The following PARP4 variants were observed in gnomAD, a reference collection of about 807,000 sequenced individuals.
PARP4 encodes the protein protein mono-ADP-ribosyltransferase PARP4.
A neutral mutation model predicts 187.7 loss-of-function variants in PARP4; 120 were observed. That is an observed-to-expected ratio of 0.64 (90% CI 0.55 to 0.74). The LOEUF is 0.74. Among genes scored for constraint, PARP4 ranks in the 30% least tolerant of loss-of-function variants. PARP4 has a pLI of 0.00. For missense variants in PARP4, 1,836 were observed against 2,070.5 expected (o/e 0.89, Z 2.20); for synonymous variants, 654 against 740.9 (o/e 0.88, Z 1.90).
In PARP4 at chr13:24,459,309, T is replaced by A. The variant is rs1473204808; in HGVS notation, c.2300A>T (p.Asp767Val). The change falls in exon 19 of 34, where the codon GAT becomes GTT. Residue 767 changes from aspartate (D) to valine (V), a missense_variant and splice_region_variant. Coordinates refer to ENST00000381989, the MANE Select transcript of PARP4 (RefSeq NM_006437.4). ...TTTTATACAAATCTTCTCTACTGTA[T>A]CCTGTTAAAAGAAAAATACATTTGT... ...QDKALNENLQ[D>V]TVEKICIKEI... 3 of 1,553,650 alleles carry A rather than the reference T, an allele frequency of 1.9e-6. No homozygotes were observed. In the African/African-American group the frequency reaches 4.1e-5, roughly 21 times the overall value.
rs1701879113 is a variant in PARP4, at chr13:24,434,469, C to T, written c.4672G>A (p.Glu1558Lys). 1 of 1,612,006 alleles carries T rather than the reference C, an allele frequency of 6.2e-7. No homozygotes were observed. The highest frequency in any genetic ancestry group is 8.5e-7 in the Non-Finnish European group (1 of 1,178,620). ...SILCFLEVKE[E>K]DEIVCIQHWQ... ...TGTTGTATGCACACTATTTCATCCT[C>T]TTCTTTTACTTCCAGAAAGCACAGG... is the stretch of plus-strand genomic sequence containing the variant. Residue 1558 changes from glutamate to lysine, a missense_variant, in exon 31 of 34, where the codon GAG becomes AAG. By Grantham distance (56) the Glu-to-Lys change is moderately conservative. Transcript: ENST00000381989.
At chr13:24,506,230 A>C (rs1410304955) in intron 1 of PARP4, among the ~76,000 whole-genome samples, 2 of 151,850 alleles carry the variant, frequency 1.3e-5, no homozygotes, top group Non-Finnish European at 3.0e-5. Context: ...CGGCGCATCC[A>C]GAGTTTGTCC....
intron 2 of PARP4, 89 bp downstream of exon 2, chr13:24,503,556 G>A (rs1469042951): frequency 2.8e-5 from 41 of 1,447,470 alleles, no homozygotes; most frequent in Non-Finnish European, 3.8e-5. Context: ...CTCTCCTGCT[G>A]CTAATCTCTG....
intron 20 of PARP4, among the ~76,000 whole-genome samples, chr13:24,458,553 G>A (rs1317549342): frequency 6.6e-6 from 1 of 151,738 alleles, no homozygotes; most frequent in Non-Finnish European, 1.5e-5. Context: ...CTCTAGTCTG[G>A]GTGACAGAGC....
chr13:24,495,577 C>A (rs1379122187), intron 6 of PARP4, among the ~76,000 whole-genome samples: 1 of 152,178 alleles, frequency 6.6e-6, no homozygotes, highest in African/African-American at 2.4e-5. Context: ...GCAACTCCTG[C>A]CTCTGTAGTA....
intron 15 of PARP4, among the ~76,000 whole-genome samples, chr13:24,474,868 G>C (rs567477369): frequency 6.6e-6 from 1 of 152,046 alleles, no homozygotes; most frequent in African/African-American, 2.4e-5. Flanking sequence ...ACTGATGTGA[G>C]AGCCCCTCAC....
intron 3 of PARP4, among the ~76,000 whole-genome samples, chr13:24,501,003 A>G (rs1457412090): frequency 1.3e-5 from 2 of 151,942 alleles, no homozygotes; most frequent in Non-Finnish European, 2.9e-5. Flanking sequence ...TTTCTGTTGT[A>G]ACTATCATTT....
chr13:24,433,610 G>T (rs1870455927), intron 31 of PARP4, among the ~76,000 whole-genome samples: 1 of 152,164 alleles, frequency 6.6e-6, no homozygotes, highest in Admixed American at 6.5e-5. Context: ...GCAGGCTTTT[G>T]GGTGCACTGT....
chr13:24,493,865 G>A, intron 7 of PARP4, 132 bp from the exon 8 acceptor site: 1 of 805,476 alleles, frequency 1.2e-6, no homozygotes, highest in Non-Finnish European at 2.0e-6. Flanking sequence ...CCCCAGCCAG[G>A]TAACTAAATC....
intron 30 of PARP4, among the ~76,000 whole-genome samples, chr13:24,439,353 A>C (rs1200951836): frequency 6.6e-6 from 1 of 151,846 alleles, no homozygotes; most frequent in Non-Finnish European, 1.5e-5. Flanking sequence ...TCTAAAAACA[A>C]CACATGTGCA....
At chr13:24,433,994 T>G (rs1351715628) in intron 31 of PARP4, among the ~76,000 whole-genome samples, 1 of 151,518 alleles carries the variant, frequency 6.6e-6, no homozygotes, top group Non-Finnish European at 1.5e-5. Flanking sequence ...ATATTTAGAG[T>G]ACAGGTACAA....
intron 32 of PARP4, 38 bp from the exon 33 acceptor site, chr13:24,426,636 T>C (rs1161398118): frequency 1.3e-6 from 2 of 1,583,056 alleles, no homozygotes; most frequent in Non-Finnish European, 1.7e-6. Context: ...TGTTGGAAAC[T>C]CTGCATCTCA....
chr13:24,428,652 T>G (rs1221675570), intron 32 of PARP4, among the ~76,000 whole-genome samples: 1 of 152,118 alleles, frequency 6.6e-6, no homozygotes, highest in Non-Finnish European at 1.5e-5. Context: ...TGGCTAATTT[T>G]TGTAGAGATG....
intron 15 of PARP4, 97 bp downstream of exon 15, chr13:24,475,375 T>A (rs148852999): frequency 1.8e-6 from 2 of 1,139,434 alleles, no homozygotes; most frequent in Admixed American, 2.1e-5. Flanking sequence ...ATTTTAGAAA[T>A]CTATCTATTC....
intron 27 of PARP4, among the ~76,000 whole-genome samples, chr13:24,445,815 G>A (rs1205363242): frequency 1.3e-5 from 2 of 152,180 alleles, no homozygotes; most frequent in African/African-American, 4.8e-5. Flanking sequence ...GGTAACCTGG[G>A]GACCTGCTAC....
intron 33 of PARP4, among the ~76,000 whole-genome samples, chr13:24,425,339 A>T (rs1869974673): frequency 1.3e-5 from 2 of 152,188 alleles, no homozygotes. Flanking sequence ...ATGCATTATT[A>T]TGTAAAATAT....
chr13:24,481,236 G>C (rs1300254366), intron 12 of PARP4, among the ~76,000 whole-genome samples: 1 of 152,246 alleles, frequency 6.6e-6, no homozygotes, highest in Non-Finnish European at 1.5e-5. Flanking sequence ...AACAAAAAAG[G>C]TTCTTTTCAA....
chr13:24,443,190 G>C (rs183621799), intron 28 of PARP4, among the ~76,000 whole-genome samples: 11 of 128,652 alleles, frequency 8.6e-5, no homozygotes, highest in Admixed American at 1.5e-4. Flanking sequence ...GAACAGCTGG[G>C]CAGTCCCGGT....
At chr13:24,467,825 G>A (rs927193295) in intron 17 of PARP4, among the ~76,000 whole-genome samples, 3 of 152,104 alleles carry the variant, frequency 2.0e-5, no homozygotes, top group Non-Finnish European at 4.4e-5. Flanking sequence ...ACCAACACAC[G>A]TAGGAGGATA....
Sources: allele counts gnomAD v4.1 joint callset (sites outside exome capture counted in the v4.1 genomes callset), GRCh38; gene constraint gnomAD v4.1.1; transcripts MANE v1.5; gene names NCBI Gene and HGNC (gene_info 2026-07-23, HGNC 2026-07-21).